AMD1: variants seen among roughly 807,000 people sequenced by gnomAD.
AMD1 encodes the protein S-adenosylmethionine decarboxylase proenzyme.
In AMD1, 11 loss-of-function variants were observed where a neutral mutation model predicts 40.2. The ratio of observed to expected loss-of-function variants is 0.27; its 90% confidence interval spans 0.17 to 0.45. The LOEUF is 0.45. AMD1 is among the 20% of genes least tolerant of loss of function. AMD1 has a pLI of 1.00. For synonymous variants in AMD1, 121 were observed against 130.8 expected (o/e 0.93, Z 0.51); for missense variants, 257 against 410.2 (o/e 0.63, Z 3.23).
At chr6:110,860,675 C>T in the AMD1 span, among the ~76,000 whole-genome samples, 79 of 151,866 alleles carry the variant, frequency 5.2e-4, no homozygotes, top group African/African-American at 1.7e-3. Flanking sequence ...GGCATGTGCC[C>T]GTAAGTCCCA....
chr6:110,874,904 A>G lies in AMD1; in HGVS notation c.-202A>G. 1 of 560,992 alleles carries G rather than the reference A, an allele frequency of 1.8e-6. No individual in the cohort carries two copies. Among genetic ancestry groups the G allele is most frequent in the Non-Finnish European group, 3.2e-6 (1 of 316,044 alleles). 34.8% of individuals were successfully genotyped at this position (560,992 alleles called of 1,614,324 possible). A position where few individuals can be genotyped will look rare whatever the true frequency, so the allele number is the denominator to read the frequency against. Reference sequence around the variant, plus strand: ...TCTATTTCCAAAAGACTCACGTTCAACTTTCGCTCACACAAAGCCGGGAAA... The same window carrying G: ...TCTATTTCCAAAAGACTCACGTTCAGCTTTCGCTCACACAAAGCCGGGAAA... On this transcript the variant is annotated 5_prime_UTR_variant, in exon 1 of 9. Transcript: ENST00000368885.
intron 1 of AMD1, among the ~76,000 whole-genome samples, chr6:110,876,053 G>A (rs1785091631): frequency 6.6e-6 from 1 of 152,256 alleles, no homozygotes; most frequent in South Asian, 2.1e-4. Flanking sequence ...GCCTGCCCCA[G>A]GACATAATGC....
chr6:110,848,720 G>T, the AMD1 span: 1 of 297,060 alleles, frequency 3.4e-6, no homozygotes. Context: ...AGCCATAAAG[G>T]TTGGTCCCAG....
the AMD1 span, among the ~76,000 whole-genome samples, chr6:110,867,014 C>A: frequency 6.6e-6 from 1 of 151,916 alleles, no homozygotes; most frequent in Admixed American, 6.6e-5. Context: ...GGGGTTTCAC[C>A]GTGTTAGCCA....
chr6:110,886,816 TTG>T (rs1429901176), intron 1 of AMD1, among the ~76,000 whole-genome samples: 8 of 152,194 alleles, frequency 5.3e-5, no homozygotes, highest in Admixed American at 3.3e-4. Flanking sequence ...TGGAATTACA[TTG>T]TCTTTTTATA....
At chr6:110,857,067 G>A in the AMD1 span, among the ~76,000 whole-genome samples, 1 of 152,092 alleles carries the variant, frequency 6.6e-6, no homozygotes. Context: ...GGGAGGCTGA[G>A]GCAGGATAAT....
At chr6:110,819,195 T>C in the AMD1 span, among the ~76,000 whole-genome samples, 1 of 152,036 alleles carries the variant, frequency 6.6e-6, no homozygotes, top group South Asian at 2.1e-4. Flanking sequence ...CCGTCTCTAC[T>C]ACAAATACAA....
At chr6:110,859,591 CG>C in the AMD1 span, among the ~76,000 whole-genome samples, 1 of 152,000 alleles carries the variant, frequency 6.6e-6, no homozygotes, top group East Asian at 1.9e-4. Flanking sequence ...AGGAATGGGG[CG>C]GGGACAGTGG....
rs1240837726 is a variant in AMD1, at chr6:110,874,930, ATT to A, written c.-173_-172del. On this transcript the variant is annotated 5_prime_UTR_variant, in exon 1 of 9. Coordinates refer to ENST00000368885, the MANE Select transcript of AMD1 (RefSeq NM_001634.6). ...CTTTCGCTCACACAAAGCCGGGAAAATTTTATTAGTCCTTTTTTTAAAAAAAG... is the reference window on the plus strand; with the variant it reads ...CTTTCGCTCACACAAAGCCGGGAAAATTATTAGTCCTTTTTTTAAAAAAAG... 1.7e-6 allele frequency: 1 copy of A among 579,546 alleles called. No homozygotes were observed. The highest frequency in any genetic ancestry group is 3.1e-5 in the Admixed American group (1 of 32,498). The allele number at this position is 579,546 out of a possible 1,614,324, so 35.9% of individuals were successfully genotyped here.
Position 110,893,544 on chromosome 6 carries a change from G to A in AMD1, c.933G>A (p.Gln311=), listed in dbSNP as rs757054382. ...AAGGTTTTAAGCGTCTTGATTGCCAGAGTGCTATGTTCAATGATTACAATT... is the reference window on the plus strand; with the variant it reads ...AAGGTTTTAAGCGTCTTGATTGCCAAAGTGCTATGTTCAATGATTACAATT... The part of the protein sequence containing the change: ...KIEGFKRLDC[Q]SAMFNDYNFV... Residue 311 remains glutamine (Q), a synonymous_variant, in exon 9 of 9, where the codon CAG becomes CAA. Transcript: ENST00000368885. 7 of 1,613,932 alleles carry A rather than the reference G, an allele frequency of 4.3e-6. No individual in the cohort carries two copies. The East Asian group carries it at 1.6e-4, about 36-fold the overall frequency.
chr6:110,883,326 T>C (rs929729541), intron 1 of AMD1, among the ~76,000 whole-genome samples: 1 of 152,178 alleles, frequency 6.6e-6, no homozygotes, highest in African/African-American at 2.4e-5. Flanking sequence ...TCCTGTTTTT[T>C]TTCCCCTGTG....
At chr6:110,852,703 A>G in the AMD1 span, among the ~76,000 whole-genome samples, 1 of 152,332 alleles carries the variant, frequency 6.6e-6, no homozygotes, top group South Asian at 2.1e-4. Flanking sequence ...TTTGGTCTCC[A>G]TACTTTTCCA....
the AMD1 span, among the ~76,000 whole-genome samples, chr6:110,865,706 T>G: frequency 6.6e-6 from 1 of 152,204 alleles, no homozygotes; most frequent in African/African-American, 2.4e-5. Flanking sequence ...AAATTGCAGA[T>G]AGTTTAATTC....
At chr6:110,816,463 C>T in the AMD1 span, among the ~76,000 whole-genome samples, 4 of 152,176 alleles carry the variant, frequency 2.6e-5, no homozygotes, top group African/African-American at 9.7e-5. Context: ...GCCACTCTGG[C>T]ATATTGATGT....
upstream of AMD1, among the ~76,000 whole-genome samples, chr6:110,873,861 T>TG (rs1187450892): frequency 2.6e-5 from 4 of 152,250 alleles, no homozygotes; most frequent in Non-Finnish European, 5.9e-5. Context: ...CTGTAAATTT[T>TG]GGGGGGTAAG....
rs1263277261 is a variant in AMD1 at position 110,893,820 on chromosome 6, T to C, written c.*204T>C. 1.9e-5 allele frequency: 11 copies of C among 567,184 alleles called. No individual in the cohort carries two copies. Among genetic ancestry groups the C allele is most frequent in the East Asian group, 3.1e-5 (1 of 32,528 alleles). The allele number at this position is 567,184 out of a possible 1,614,324, so 35.1% of individuals were successfully genotyped here. On this transcript the variant is annotated 3_prime_UTR_variant, in exon 9 of 9. Transcript: ENST00000368885. ...TAGATATCTTGCATGAATGCTCTCT[T>C]CTGTGTTTAGGTATTCTCTGCCACT...
chr6:110,891,448 T>G (rs1420550360), intron 4 of AMD1: 2 of 152,312 alleles, frequency 1.3e-5, no homozygotes, highest in African/African-American at 4.8e-5. Context: ...TAGTGTTTCT[T>G]GAATGAAATT....
chr6:110,846,727 G>A, the AMD1 span, among the ~76,000 whole-genome samples: 1 of 151,968 alleles, frequency 6.6e-6, no homozygotes, highest in African/African-American at 2.4e-5. Flanking sequence ...AAAACTAGGT[G>A]GGTGTGGTGG....
At chr6:110,854,121 CT>C in the AMD1 span, among the ~76,000 whole-genome samples, 1 of 149,656 alleles carries the variant, frequency 6.7e-6, no homozygotes, top group African/African-American at 2.5e-5. Context: ...TTCTTTCTTA[CT>C]TTTTTTCTTT....
Sources: allele counts gnomAD v4.1 joint callset (sites outside exome capture counted in the v4.1 genomes callset), GRCh38; gene constraint gnomAD v4.1.1; transcripts MANE v1.5; gene names NCBI Gene and HGNC (gene_info 2026-07-23, HGNC 2026-07-21).